ANO2: variants seen among roughly 807,000 people sequenced by gnomAD.
The protein encoded by ANO2 is anoctamin-2.
Under a neutral mutation model 124.2 loss-of-function variants are expected in ANO2, and 101 were observed. The ratio of observed to expected loss-of-function variants is 0.81; its 90% confidence interval spans 0.69 to 0.96. ANO2 has a LOEUF of 0.96. Among genes scored for constraint, ANO2 ranks in the 40% least tolerant of loss-of-function variants. The probability of loss-of-function intolerance (pLI) is 0.00; values close to 1 mark genes in which losing one functional copy is unlikely to be tolerated. For synonymous variants in ANO2, 486 were observed against 482.5 expected (o/e 1.01, Z -0.09); for missense variants, 1,293 against 1,274.5 (o/e 1.01, Z -0.22).
intron 14 of ANO2, among the ~76,000 whole-genome samples, chr12:5,684,357 T>C (rs1051425102): frequency 5.3e-5 from 8 of 152,166 alleles, no homozygotes. Context: ...GGCAATCTAC[T>C]AATGAGCAGG....
intron 16 of ANO2, among the ~76,000 whole-genome samples, chr12:5,628,154 T>G (rs1333896981): frequency 2.0e-5 from 3 of 152,114 alleles, no homozygotes; most frequent in Non-Finnish European, 4.4e-5. Flanking sequence ...AAAAAAAAAT[T>G]CTTTCTTTGT....
rs932573577 is a variant in ANO2 at position 5,563,378 on chromosome 12, C to G, written c.2918G>C (p.Arg973Pro). The G allele has an allele frequency of 6.2e-7, 1 of 1,605,250 alleles. No individual in the cohort carries two copies. Among genetic ancestry groups the G allele is most frequent in the Non-Finnish European group, 8.5e-7 (1 of 1,176,632 alleles). The change falls in exon 25 of 25, where the codon CGG becomes CCG. Residue 973 changes from arginine (R) to proline (P), a missense_variant. By Grantham distance (103) the Arg-to-Pro change is moderately radical. Coordinates refer to ENST00000682330, the MANE Select transcript of ANO2 (RefSeq NM_001364791.2). ...SPGGGDRSRS[R>P]AASSAPSGQS... ...GCCTGAAGGTGCTGAGCTGGCTGCC[C>G]GGCTCCTGCTTCGATCCCCACCTCC... is the stretch of plus-strand genomic sequence containing the variant.
At chr12:5,788,707 C>A (rs561641500) in intron 10 of ANO2, among the ~76,000 whole-genome samples, 54 of 152,192 alleles carry the variant, frequency 3.5e-4, no homozygotes, top group African/African-American at 1.3e-3. Context: ...TACAGGCACC[C>A]GCCACCACAC....
chr12:5,585,557 C>T (rs138501595), intron 20 of ANO2, among the ~76,000 whole-genome samples: 68 of 152,356 alleles, frequency 4.5e-4, no homozygotes, highest in African/African-American at 1.4e-3. Flanking sequence ...GCAAGATCTA[C>T]TGATCCACTT....
chr12:5,788,977 G>T (rs1952621283), intron 10 of ANO2, among the ~76,000 whole-genome samples: 1 of 152,204 alleles, frequency 6.6e-6, no homozygotes, highest in Non-Finnish European at 1.5e-5. Flanking sequence ...TCCCCATAGA[G>T]ATGATCCTGA....
At chr12:5,763,335 G>A (rs187301092) in intron 10 of ANO2, among the ~76,000 whole-genome samples, 2 of 151,982 alleles carry the variant, frequency 1.3e-5, no homozygotes, top group African/African-American at 4.8e-5. Context: ...CTAAAAATAT[G>A]ATATGTCTTC....
intron 3 of ANO2, among the ~76,000 whole-genome samples, chr12:5,897,680 G>A (rs1939888525): frequency 6.6e-6 from 1 of 151,820 alleles, no homozygotes; most frequent in Admixed American, 6.6e-5. Context: ...TTGGGTTAAT[G>A]GGATATCAAA....
At chr12:5,742,242 A>G (rs751350665) in intron 12 of ANO2, among the ~76,000 whole-genome samples, 7 of 152,134 alleles carry the variant, frequency 4.6e-5, no homozygotes, top group Non-Finnish European at 1.0e-4. Context: ...GCACAGCACC[A>G]CTAATCATAA....
At chr12:5,640,144 G>A (rs570522408) in intron 15 of ANO2, among the ~76,000 whole-genome samples, 6 of 152,250 alleles carry the variant, frequency 3.9e-5, no homozygotes, top group Admixed American at 3.9e-4. Context: ...AATAGCACTG[G>A]GGCATTTCTT....
rs1339048688 is a variant in ANO2 at position 5,577,952 on chromosome 12, T to TA, written c.2439+2dup. On this transcript the variant is annotated splice_region_variant and intron_variant, in intron 22 of 24. Transcript: ENST00000682330. ...CGAGTGTGTCATGAATGCAAGTACT[T>TA]ACGTTGCTGATAACAGAGAACTTGC... is the stretch of plus-strand genomic sequence containing the variant. The TA allele has an allele frequency of 1.2e-6, 2 of 1,613,106 alleles. No homozygotes were observed. Among genetic ancestry groups the TA allele is most frequent in the Admixed American group, 1.7e-5 (1 of 59,964 alleles).
intron 13 of ANO2, among the ~76,000 whole-genome samples, chr12:5,737,297 C>T (rs1316904967): frequency 6.6e-6 from 1 of 152,246 alleles, no homozygotes; most frequent in Non-Finnish European, 1.5e-5. Flanking sequence ...GGCCAGGCCC[C>T]TCTCAGCCAG....
upstream of ANO2, chr12:5,946,103 T>C: frequency 6.2e-7 from 1 of 1,604,726 alleles, no homozygotes; most frequent in Non-Finnish European, 8.5e-7. The surrounding 1 kb of genome is among the most constrained non-coding windows in gnomAD (Gnocchi z 4.1). Flanking sequence ...ACCCCCAAAA[T>C]GAAGAAGTAC....
At chr12:5,784,669 C>T (rs746215680) in intron 10 of ANO2, among the ~76,000 whole-genome samples, 3 of 152,194 alleles carry the variant, frequency 2.0e-5, no homozygotes, top group Non-Finnish European at 4.4e-5. Context: ...GTTCTCCACC[C>T]TCTTCCTAAA....
At chr12:5,655,461 T>C (rs1947108930) in intron 14 of ANO2, among the ~76,000 whole-genome samples, 1 of 152,208 alleles carries the variant, frequency 6.6e-6, no homozygotes, top group African/African-American at 2.4e-5. Context: ...AGAATTTGCA[T>C]TTTTAATAAG....
intron 1 of ANO2, among the ~76,000 whole-genome samples, chr12:5,939,209 C>CCAACAA (rs1475268271): frequency 1.1e-4 from 3 of 26,950 alleles, no homozygotes; most frequent in Admixed American, 1.1e-3. Flanking sequence ...GAGCAAGACT[C>CCAACAA]CAACAAAAAA....
At chr12:5,596,379 A>G (rs773337716) in intron 20 of ANO2, among the ~76,000 whole-genome samples, 20 of 152,330 alleles carry the variant, frequency 1.3e-4, no homozygotes, top group Non-Finnish European at 2.2e-4. Context: ...TCAAAATTTT[A>G]TTTTTAAATT....
intron 19 of ANO2, among the ~76,000 whole-genome samples, chr12:5,608,316 C>G (rs1232093277): frequency 1.3e-5 from 2 of 150,032 alleles, no homozygotes; most frequent in African/African-American, 4.9e-5. Context: ...ACTCAAAATA[C>G]AACCTTTATA....
intron 14 of ANO2, among the ~76,000 whole-genome samples, chr12:5,686,832 C>T (rs1948732077): frequency 6.6e-6 from 1 of 152,240 alleles, no homozygotes; most frequent in African/African-American, 2.4e-5. Flanking sequence ...CTCACACAGA[C>T]AATGGAAACA....
intron 3 of ANO2, among the ~76,000 whole-genome samples, chr12:5,866,375 G>A (rs952043967): frequency 6.6e-6 from 1 of 152,174 alleles, no homozygotes; most frequent in Non-Finnish European, 1.5e-5. Context: ...GGGAGCTGAG[G>A]GATCAAGCCT....
Sources: allele counts gnomAD v4.1 joint callset (sites outside exome capture counted in the v4.1 genomes callset), GRCh38; gene constraint gnomAD v4.1.1; non-coding constraint Gnocchi (gnomAD v3.1); transcripts MANE v1.5; gene names NCBI Gene and HGNC (gene_info 2026-07-23, HGNC 2026-07-21).